Variants in CORO7 observed in about 807,000 individuals in gnomAD.
The protein encoded by CORO7 is coronin 7.
A neutral mutation model predicts 126.6 loss-of-function variants in CORO7; 107 were observed. The observed-to-expected ratio is 0.85, with a 90% CI of 0.72 to 0.99. The LOEUF (loss-of-function observed/expected upper bound fraction) is 0.99, where lower values mean the gene tolerates loss of function less well. CORO7 is among the 50% of genes least tolerant of loss of function. The pLI is 0.00. For synonymous variants in CORO7, 603 were observed against 536.8 expected (o/e 1.12, Z -1.70); for missense variants, 1,314 against 1,255.8 (o/e 1.05, Z -0.70).
chr16:4,388,188 G>A, intron 8 of CORO7, 120 bp from the exon 9 acceptor site: 3 of 1,294,784 alleles, frequency 2.3e-6, no homozygotes, highest in Non-Finnish European at 3.2e-6. Flanking sequence ...CCCAGAGCAG[G>A]GCTTGGAGTG....
intron 9 of CORO7, among the ~76,000 whole-genome samples, chr16:4,380,250 C>T (rs897181834): frequency 6.6e-6 from 1 of 152,214 alleles, no homozygotes; most frequent in African/African-American, 2.4e-5. Context: ...GGCCTCTGCC[C>T]CTCCTCCAGG....
intron 26 of CORO7, chr16:4,356,931 C>T: frequency 1.7e-6 from 1 of 583,832 alleles, no homozygotes. Flanking sequence ...CCCAGAACTG[C>T]CGGCTTAGGC....
Position 4,381,950 on chromosome 16 carries a change from T to C in CORO7, c.785+6036A>G, listed in dbSNP as rs556688185. ...CCAGCCACCACCACCACAGCCACAGTGCCCACCACGAGGCCCGTGGTGCGG... is the reference window on the plus strand; with the variant it reads ...CCAGCCACCACCACCACAGCCACAGCGCCCACCACGAGGCCCGTGGTGCGG... On this transcript the variant is annotated intron_variant, in intron 9 of 27. Transcript: ENST00000251166. The C allele has an allele frequency of 9.7e-5, 156 of 1,608,552 alleles. No individual in the cohort carries two copies. In the South Asian group the frequency reaches 1.5e-3, roughly 16 times the overall value.
chr16:4,411,200 G>T (rs1172877257), intron 3 of CORO7, among the ~76,000 whole-genome samples: 1 of 152,138 alleles, frequency 6.6e-6, no homozygotes, highest in Non-Finnish European at 1.5e-5. Context: ...GACCAGGCTG[G>T]GCAACATAAC....
At chr16:4,372,480 G>A (rs2054570597) in intron 9 of CORO7, among the ~76,000 whole-genome samples, 1 of 152,234 alleles carries the variant, frequency 6.6e-6, no homozygotes, top group African/African-American at 2.4e-5. Context: ...GCAGCCCTAG[G>A]GAGGGGCGGG....
intron 6 of CORO7, among the ~76,000 whole-genome samples, chr16:4,400,420 T>G (rs9923354): frequency 0.73 from 110,442 of 152,042 alleles, 40,367 homozygotes; most frequent in Non-Finnish European, 0.77. Flanking sequence ...GATCACCTGA[T>G]GTCAGGAGTT....
intron 9 of CORO7, among the ~76,000 whole-genome samples, chr16:4,384,096 G>C (rs1272527932): frequency 6.6e-6 from 1 of 152,214 alleles, no homozygotes; most frequent in Non-Finnish European, 1.5e-5. Context: ...TGGTGGGAGG[G>C]GAAGTGTGAA....
In CORO7 at chr16:4,362,678, G is replaced by T. The variant is rs757307632; in HGVS notation, c.1336C>A (p.Pro446Thr). 9 of 1,495,914 alleles carry T rather than the reference G, an allele frequency of 6.0e-6. No homozygotes were observed. The highest frequency in any genetic ancestry group is 2.7e-5 in the South Asian group (2 of 74,828). The allele number at this position is 1,495,914 out of a possible 1,614,324, so 92.7% of individuals were successfully genotyped here. Residue 446 changes from proline to threonine, a missense_variant, in exon 15 of 28, where the codon CCC (proline) becomes ACC (threonine). By Grantham distance (38) the Pro-to-Thr change is conservative. Coordinates refer to ENST00000251166, the MANE Select transcript of CORO7 (RefSeq NM_024535.5). This position sits in a 1 kb window ranked among gnomAD's most constrained non-coding sequence, Gnocchi z 5.3. ...ATGCCACTGGTGCTGGAGAGTGAGG[G>T]CCCCAGGCTGGAGGGCGTGGAGGGC... ...TSPSTPSSLG[P>T]SLSSTSGIGT...
intron 2 of CORO7, chr16:4,412,671 A>T: frequency 1.9e-6 from 1 of 534,200 alleles, no homozygotes; most frequent in East Asian, 3.1e-5. Flanking sequence ...CTCTCTTTTT[A>T]ACACGGGTCA....
chr16:4,381,415 A>C lies in CORO7; in HGVS notation c.785+6571T>G, dbSNP rs374786488. 3.3e-5 allele frequency: 53 copies of C among 1,584,626 alleles called. No individual in the cohort carries two copies. In the African/African-American group the frequency reaches 6.7e-4, roughly 20 times the overall value. On this transcript the variant is annotated intron_variant, in intron 9 of 27. Transcript: ENST00000251166. Reference sequence around the variant, plus strand: ...GCTGCTGCTGGACCTCAGCCACAACAGCCTCCTGGCCCTGGAGCCCGGCAT... The same window carrying C: ...GCTGCTGCTGGACCTCAGCCACAACCGCCTCCTGGCCCTGGAGCCCGGCAT...
intron 7 of CORO7, 119 bp from the exon 8 acceptor site, chr16:4,388,750 G>A: frequency 2.6e-6 from 3 of 1,134,678 alleles, no homozygotes; most frequent in Non-Finnish European, 3.8e-6. Context: ...CTCACAGAGG[G>A]TGGGAAGGGC....
At chr16:4,369,926 C>T (rs1278346753) in intron 9 of CORO7, among the ~76,000 whole-genome samples, 4 of 152,254 alleles carry the variant, frequency 2.6e-5, no homozygotes, top group Non-Finnish European at 4.4e-5. Context: ...ACCTTGAAAC[C>T]ATACAAGGCA....
intron 21 of CORO7, 41 bp from the exon 22 acceptor site, chr16:4,359,662 T>G (rs755820301): frequency 3.2e-6 from 5 of 1,556,714 alleles, no homozygotes; most frequent in Non-Finnish European, 4.3e-6. Flanking sequence ...GTTTCAGAGC[T>G]GAAGGGGCCT....
intron 6 of CORO7, among the ~76,000 whole-genome samples, chr16:4,395,915 G>C (rs1400342154): frequency 6.6e-6 from 1 of 151,958 alleles, no homozygotes; most frequent in African/African-American, 2.4e-5. Flanking sequence ...ACAAAAAGCA[G>C]AAAAAAATGT....
At chr16:4,356,811 G>T (rs1391380575) in intron 26 of CORO7, 7 of 278,092 alleles carry the variant, frequency 2.5e-5, no homozygotes, top group African/African-American at 1.1e-4. Flanking sequence ...GAGACAGGGG[G>T]AGTAAGAGAC....
chr16:4,379,621 C>T (rs560305798), intron 9 of CORO7, among the ~76,000 whole-genome samples: 3 of 152,056 alleles, frequency 2.0e-5, no homozygotes, highest in Non-Finnish European at 2.9e-5. Context: ...CCTGAGGTGA[C>T]GGTAAACACT....
rs368020788 is a variant in CORO7 at position 4,363,666 on chromosome 16, C to T, written c.1275+610G>A. On this transcript the variant is annotated intron_variant, in intron 14 of 27. Transcript: ENST00000251166. ...GGCGGAGGTTGCAGTGAGCCGAGAT[C>T]GCACCATTGCACTCCAGCCTAGACG... Among the ~76,000 whole-genome samples the T allele has an allele frequency of 3.6e-4, 54 of 151,524 alleles. No individual in the cohort carries two copies. In the East Asian group the frequency reaches 7.7e-3, roughly 21 times the overall value.
rs151075293 is a variant in CORO7 at position 4,388,793 on chromosome 16, G to C, written c.616-162C>G. On this transcript the variant is annotated intron_variant, in intron 7 of 27. Transcript: ENST00000251166. Reference sequence around the variant, plus strand: ...TTCTCCACGTCCCCACTGGGACCAAGGGTGGTCTCCGAAGCACCCCGGGGA... The same window carrying C: ...TTCTCCACGTCCCCACTGGGACCAACGGTGGTCTCCGAAGCACCCCGGGGA... 3.7e-4 allele frequency among the ~76,000 whole-genome samples: 56 copies of C among 152,242 alleles called. 2 individuals carry two copies. The East Asian group carries it at 0.01, about 28-fold the overall frequency.
At chr16:4,411,714 C>T (rs749509098) in intron 3 of CORO7, among the ~76,000 whole-genome samples, 2 of 152,050 alleles carry the variant, frequency 1.3e-5, no homozygotes, top group African/African-American at 4.8e-5. Flanking sequence ...AACTGCCTTC[C>T]CTCACCCGAA....
Sources: gnomAD v4.1 joint callset for allele counts (sites outside exome capture counted in the v4.1 genomes callset) on GRCh38, gnomAD v4.1.1 for gene constraint, Gnocchi (gnomAD v3.1) non-coding constraint, MANE v1.5 for transcripts, NCBI Gene and HGNC (gene_info 2026-07-23, HGNC 2026-07-21) for gene names.